Variants in CAST observed in about 807,000 individuals in gnomAD.
CAST encodes MIR583 host.
CAST carries 76 observed loss-of-function variants against 119.6 expected under a neutral mutation model. The observed-to-expected ratio is 0.64, with a 90% confidence interval of 0.53 to 0.77. The LOEUF (loss-of-function observed/expected upper bound fraction) is 0.77. CAST is among the 30% of genes least tolerant of loss of function. The pLI is 0.00. For synonymous variants in CAST, 319 were observed against 331.6 expected, an observed-to-expected ratio of 0.96 and a Z score of 0.41; for missense variants, 953 against 946.5, an observed-to-expected ratio of 1.01 and a Z score of -0.09.
the CAST span, among the ~76,000 whole-genome samples, chr5:96,245,903 ATGAACTC>A: frequency 1.3e-5 from 2 of 152,146 alleles, no homozygotes; most frequent in Non-Finnish European, 2.9e-5. Context: ...ATATGGGAGA[ATGAACTC>A]TGTGTGTTCA....
At chr5:96,456,760 C>G in the CAST span, among the ~76,000 whole-genome samples, 1 of 152,218 alleles carries the variant, frequency 6.6e-6, no homozygotes, top group African/African-American at 2.4e-5. Flanking sequence ...CAAATCTCAT[C>G]TTGAATTGTA....
chr5:96,170,127 C>T, the CAST span, among the ~76,000 whole-genome samples: 3 of 152,216 alleles, frequency 2.0e-5, no homozygotes, highest in South Asian at 2.1e-4. Context: ...AGGGGGCTTC[C>T]GAGGCAATCG....
At chr5:96,411,535 G>C in the CAST span, among the ~76,000 whole-genome samples, 1 of 152,142 alleles carries the variant, frequency 6.6e-6, no homozygotes. Flanking sequence ...TAGAATCTGT[G>C]CAAGAATACA....
the CAST span, among the ~76,000 whole-genome samples, chr5:96,332,360 G>A: frequency 6.6e-6 from 1 of 151,376 alleles, no homozygotes; most frequent in African/African-American, 2.4e-5. Context: ...TGGCTGTTGT[G>A]TATCACCTTC....
chr5:96,097,801 T>C, the CAST span, among the ~76,000 whole-genome samples: 1 of 152,228 alleles, frequency 6.6e-6, no homozygotes, highest in Non-Finnish European at 1.5e-5. Flanking sequence ...TATGCATGCA[T>C]GCATCTTTAT....
chr5:96,297,181 A>G, the CAST span, among the ~76,000 whole-genome samples: 1 of 152,174 alleles, frequency 6.6e-6, no homozygotes, highest in Non-Finnish European at 1.5e-5. Context: ...GTAGCATTTG[A>G]TAAAGAGTCA....
intron 1 of CAST, among the ~76,000 whole-genome samples, chr5:96,633,331 A>G (rs1258868769): frequency 6.6e-6 from 1 of 152,186 alleles, no homozygotes; most frequent in Non-Finnish European, 1.5e-5. Flanking sequence ...ATCTCTTCCA[A>G]TCCATGAACA....
In CAST at chr5:96,767,482, G is replaced by A. The variant is rs1018176007; in HGVS notation, c.2175G>A (p.Lys725=). The change falls in exon 28 of 32, where the codon AAG becomes AAA. Residue 725 remains lysine (K), a splice_region_variant and synonymous_variant. Transcript: ENST00000675179. ...KPPTKKSEDS[K]KPADDQDPID... ...CTACAAAGAAATCAGAGGATTCAAA[G>A]GTAAAGACCATAGGAACATATTTCC... 6.2e-7 allele frequency: 1 copy of A among 1,611,440 alleles called. No individual in the cohort carries two copies. Among genetic ancestry groups the A allele is most frequent in the Non-Finnish European group, 8.5e-7 (1 of 1,177,926 alleles).
chr5:96,147,082 G>A, the CAST span, among the ~76,000 whole-genome samples: 3 of 152,118 alleles, frequency 2.0e-5, no homozygotes, highest in African/African-American at 7.2e-5. Context: ...AGTGCCCCAT[G>A]TTCTGTGATT....
chr5:96,347,658 C>T, the CAST span, among the ~76,000 whole-genome samples: 1 of 152,146 alleles, frequency 6.6e-6, no homozygotes, highest in East Asian at 1.9e-4. Flanking sequence ...CTGGTACCTC[C>T]ACCTCATTTA....
the CAST span, among the ~76,000 whole-genome samples, chr5:96,206,629 T>C: frequency 1.3e-5 from 2 of 152,162 alleles, no homozygotes; most frequent in East Asian, 3.8e-4. Context: ...TGCGGCTTTA[T>C]TCCTGGGCTC....
chr5:95,974,027 A>ACACACC, the CAST span, among the ~76,000 whole-genome samples: 13 of 151,704 alleles, frequency 8.6e-5, no homozygotes, highest in African/African-American at 2.7e-4. Context: ...ACACACACAC[A>ACACACC]CACCCCCACT....
chr5:96,603,757 CTCTT>C (rs1747202567), intron 1 of CAST, among the ~76,000 whole-genome samples: 1 of 123,908 alleles, frequency 8.1e-6, no homozygotes, highest in Admixed American at 9.6e-5. Context: ...ATGTGCTGTA[CTCTT>C]TTTTTTTTTT....
the CAST span, among the ~76,000 whole-genome samples, chr5:96,519,683 T>C: frequency 6.6e-6 from 1 of 152,174 alleles, no homozygotes; most frequent in Non-Finnish European, 1.5e-5. Context: ...CTCAGCTCAC[T>C]GCAGCTTACA....
At chr5:96,688,202 ATGTT>A (rs1220863338) in intron 2 of CAST, among the ~76,000 whole-genome samples, 2 of 152,186 alleles carry the variant, frequency 1.3e-5, no homozygotes, top group East Asian at 1.9e-4. Context: ...TTTTGAGAAA[ATGTT>A]TGGTCTTGAC....
At chr5:95,968,352 T>C in the CAST span, among the ~76,000 whole-genome samples, 1 of 152,244 alleles carries the variant, frequency 6.6e-6, no homozygotes, top group Non-Finnish European at 1.5e-5. Flanking sequence ...GTGTGGTATA[T>C]ATAATTTGTG....
At chr5:96,712,861 A>G (rs1482262547) in intron 3 of CAST, among the ~76,000 whole-genome samples, 1 of 152,080 alleles carries the variant, frequency 6.6e-6, no homozygotes, top group Non-Finnish European at 1.5e-5. Context: ...TTCTTCAGTG[A>G]AAGGTGGGCT....
At chr5:96,603,632 T>C (rs1747199053) in intron 1 of CAST, among the ~76,000 whole-genome samples, 1 of 152,132 alleles carries the variant, frequency 6.6e-6, no homozygotes, top group African/African-American at 2.4e-5. Flanking sequence ...TACAGTTAAC[T>C]TTTTTTAATA....
At chr5:96,105,268 C>A in the CAST span, among the ~76,000 whole-genome samples, 1 of 152,174 alleles carries the variant, frequency 6.6e-6, no homozygotes, top group East Asian at 1.9e-4. Flanking sequence ...GCTTCCAACA[C>A]TATGTTGAAT....
Sources: gnomAD v4.1 joint callset for allele counts (sites outside exome capture counted in the v4.1 genomes callset) on GRCh38, gnomAD v4.1.1 for gene constraint, MANE v1.5 for transcripts, NCBI Gene and HGNC (gene_info 2026-07-23, HGNC 2026-07-21) for gene names.